The following PTPN3 variants were observed in gnomAD, a reference collection of about 807,000 sequenced individuals.
PTPN3 encodes the protein tyrosine-protein phosphatase non-receptor type 3.
PTPN3 carries 96 observed loss-of-function variants against 132.7 expected under a neutral mutation model. The ratio of observed to expected loss-of-function variants is 0.72; its 90% CI spans 0.61 to 0.86. The LOEUF (loss-of-function observed/expected upper bound fraction) is 0.86, where lower values mean the gene tolerates loss of function less well. Among genes scored for constraint, PTPN3 ranks in the 40% least tolerant of loss-of-function variants. The pLI is 0.00. For missense variants in PTPN3, 1,125 were observed against 1,159.6 expected (o/e 0.97, Z 0.43); for synonymous variants, 398 against 429.0 (o/e 0.93, Z 0.89).
intron 22 of PTPN3, among the ~76,000 whole-genome samples, chr9:109,385,542 T>C (rs1839508751): frequency 6.6e-6 from 1 of 152,138 alleles, no homozygotes; most frequent in African/African-American, 2.4e-5. Flanking sequence ...AATGAATCAG[T>C]GTGTGTCAGA....
At chr9:109,532,892 T>G in the PTPN3 span, 3 of 1,087,884 alleles carry the variant, frequency 2.8e-6, no homozygotes, top group Non-Finnish European at 2.4e-6. Context: ...AGCTGGTGGA[T>G]CGGCTGCTTT....
chr9:109,457,184 T>C lies in PTPN3; in HGVS notation c.278A>G (p.Lys93Arg). Residue 93 changes from lysine (K) to arginine (R), a missense_variant, in exon 4 of 26, where the codon AAG (lysine) becomes AGG (arginine). By Grantham distance (26) the Lys-to-Arg change is conservative (BLOSUM62 2). Coordinates refer to ENST00000374541, the MANE Select transcript of PTPN3 (RefSeq NM_002829.4). ...AAGATCACACCAACCTTTTAACTGCTTCCTGATGGCTTTGCTTGCTTCCAG... is the reference window on the plus strand; with the variant it reads ...AAGATCACACCAACCTTTTAACTGCCTCCTGATGGCTTTGCTTGCTTCCAG... ...RWLEASKAIR[K>R]QLKGGFPCTL... is the part of the protein sequence containing the mutation. 1 of 1,614,040 alleles carries C rather than the reference T, an allele frequency of 6.2e-7. No homozygotes were observed.
At chr9:109,466,255 T>C (rs947801921) in intron 1 of PTPN3, among the ~76,000 whole-genome samples, 7 of 152,154 alleles carry the variant, frequency 4.6e-5, no homozygotes, top group South Asian at 2.1e-4. Context: ...CTATATAACA[T>C]AGACTATATA....
chr9:109,439,375 TAA>T (rs112370993), intron 7 of PTPN3, among the ~76,000 whole-genome samples: 2 of 151,024 alleles, frequency 1.3e-5, no homozygotes, highest in South Asian at 4.2e-4. Context: ...ACTTCATCTT[TAA>T]AAAAAAAATT....
At chr9:109,496,197 G>T (rs1403005062) in intron 1 of PTPN3, among the ~76,000 whole-genome samples, 1 of 152,152 alleles carries the variant, frequency 6.6e-6, no homozygotes, top group Non-Finnish European at 1.5e-5. Context: ...TCTGCAAATT[G>T]GTATTCCATT....
chr9:109,510,846 C>T, the PTPN3 span, among the ~76,000 whole-genome samples: 198 of 151,794 alleles, frequency 1.3e-3, no homozygotes, highest in African/African-American at 4.6e-3. Flanking sequence ...AAGAAGAACA[C>T]ATTTATGAGC....
chr9:109,487,671 A>C (rs998647630), intron 1 of PTPN3, among the ~76,000 whole-genome samples: 2 of 152,252 alleles, frequency 1.3e-5, no homozygotes, highest in African/African-American at 4.8e-5. Context: ...AAAGAAGAAA[A>C]AGACAGCCTA....
At chr9:109,493,307 T>C (rs895651381) in intron 1 of PTPN3, among the ~76,000 whole-genome samples, 8 of 152,226 alleles carry the variant, frequency 5.3e-5, no homozygotes, top group Non-Finnish European at 1.0e-4. Context: ...ACAAACACTG[T>C]GCTCTTTGGT....
intron 2 of PTPN3, among the ~76,000 whole-genome samples, chr9:109,462,736 C>T (rs969387465): frequency 1.3e-5 from 2 of 152,138 alleles, no homozygotes; most frequent in East Asian, 3.9e-4. Flanking sequence ...GCCAGAACCT[C>T]CCCAAGCCCT....
At chr9:109,428,322 C>T (rs767127693) in intron 11 of PTPN3, among the ~76,000 whole-genome samples, 4 of 152,210 alleles carry the variant, frequency 2.6e-5, no homozygotes, top group African/African-American at 7.2e-5. Context: ...CTCCAACCAG[C>T]TAAGCAGAAT....
Position 109,466,010 on chromosome 9 carries a change from C to A in PTPN3, c.-17-2559G>T, listed in dbSNP as rs148445434. On this transcript the variant is annotated intron_variant, in intron 1 of 25. Coordinates refer to ENST00000374541, the MANE Select transcript of PTPN3 (RefSeq NM_002829.4). ...TCCTCTGGGAAGCCTTCCCTGGTCT[C>A]CCTAACCAGTCACAGATTTGTGTGA... 3.5e-3 allele frequency among the ~76,000 whole-genome samples: 538 copies of A among 152,190 alleles called. 1 individual carries two copies. The highest frequency in any genetic ancestry group is 0.012 in the African/African-American group (515 of 41,532).
intron 1 of PTPN3, among the ~76,000 whole-genome samples, chr9:109,497,971 C>G (rs967042324): frequency 1.4e-5 from 2 of 145,510 alleles, no homozygotes; most frequent in African/African-American, 2.5e-5. Context: ...CAGCCCGCCC[C>G]GGCCGAGCCC....
At chr9:109,450,555 C>T in intron 5 of PTPN3, 3 of 985,156 alleles carry the variant, frequency 3.0e-6, no homozygotes, top group Non-Finnish European at 3.6e-6. Context: ...AACCCCATGG[C>T]ATCATACACA....
chr9:109,416,589 G>A (rs1017921959), intron 14 of PTPN3, among the ~76,000 whole-genome samples: 5 of 151,784 alleles, frequency 3.3e-5, no homozygotes, highest in African/African-American at 9.7e-5. Context: ...AGGACAACAC[G>A]CAGACAACAT....
At chr9:109,483,871 T>C (rs1016225569) in intron 1 of PTPN3, among the ~76,000 whole-genome samples, 3 of 152,182 alleles carry the variant, frequency 2.0e-5, no homozygotes, top group African/African-American at 7.2e-5. Flanking sequence ...TCATTAATCA[T>C]GTTCTGGATG....
In PTPN3 at chr9:109,406,542, G is replaced by GT; in HGVS notation, c.1711dup (p.Thr571AsnfsTer3). On this transcript the variant is annotated frameshift_variant, in exon 18 of 26. Transcript: ENST00000374541. LOFTEE classifies it high-confidence loss of function. ...GATGAACATCACCACTTGGTCATGCGTGTGTTCTGAGATGTCCCGGCCATT... is the reference window on the plus strand; with the variant it reads ...GATGAACATCACCACTTGGTCATGCGTTGTGTTCTGAGATGTCCCGGCCATT... 6.2e-7 allele frequency: 1 copy of GT among 1,614,158 alleles called. No individual in the cohort carries two copies. The highest frequency in any genetic ancestry group is 8.5e-7 in the Non-Finnish European group (1 of 1,180,022).
At chr9:109,471,382 T>C (rs1846373010) in intron 1 of PTPN3, among the ~76,000 whole-genome samples, 1 of 152,140 alleles carries the variant, frequency 6.6e-6, no homozygotes, top group African/African-American at 2.4e-5. Flanking sequence ...TTCCCATGTC[T>C]CTCATCTGTA....
At position 109,379,381 on chromosome 9, in the gene PTPN3, C is replaced by T. The variant is rs1588274355; in HGVS notation, c.*175G>A. 1 of 605,904 alleles carries T rather than the reference C, an allele frequency of 1.7e-6. No individual in the cohort carries two copies. The highest frequency in any genetic ancestry group is 2.8e-5 in the East Asian group (1 of 36,112). 37.5% of individuals were successfully genotyped at this position (605,904 alleles called of 1,614,324 possible). A position where few individuals can be genotyped will look rare whatever the true frequency, so the allele number is the denominator to read the frequency against. On this transcript the variant is annotated 3_prime_UTR_variant, in exon 26 of 26. Coordinates refer to ENST00000374541, the MANE Select transcript of PTPN3 (RefSeq NM_002829.4). ...GATGCCATAATTGCATGCTTATCTA[C>T]ACCAGTTCCTATGTACACGATATCT...
chr9:109,384,964 T>C (rs937023479), intron 22 of PTPN3, among the ~76,000 whole-genome samples: 29 of 152,110 alleles, frequency 1.9e-4, no homozygotes, highest in Non-Finnish European at 1.2e-4. Flanking sequence ...CAAGGCAGAG[T>C]TGACAGACAC....
Sources: allele counts gnomAD v4.1 joint callset (sites outside exome capture counted in the v4.1 genomes callset), GRCh38; gene constraint gnomAD v4.1.1; transcripts MANE v1.5; gene names NCBI Gene and HGNC (gene_info 2026-07-23, HGNC 2026-07-21).